The following SMYD3 variants were observed in gnomAD, a reference collection of about 807,000 sequenced individuals.
SMYD3 encodes SET and MYND domain containing 3, also known as histone-lysine N-methyltransferase SMYD3.
In SMYD3, 36 loss-of-function variants were observed where a neutral mutation model predicts 57.7. The ratio of observed to expected loss-of-function variants is 0.62; its 90% CI spans 0.48 to 0.82. The LOEUF (loss-of-function observed/expected upper bound fraction) is 0.82. Among genes scored for constraint, SMYD3 ranks in the 40% least tolerant of loss-of-function variants. The pLI, the probability that SMYD3 is intolerant of heterozygous loss-of-function variation, is 0.00. For synonymous variants in SMYD3, 211 were observed against 195.0 expected (o/e 1.08, Z -0.68); for missense variants, 515 against 538.8 (o/e 0.96, Z 0.44).
At chr1:245,819,281 C>T (rs1309500486) in intron 10 of SMYD3, among the ~76,000 whole-genome samples, 1 of 138,874 alleles carries the variant, frequency 7.2e-6, no homozygotes, top group Non-Finnish European at 1.6e-5. Context: ...GAACAACCTG[C>T]TCCTGAATGA....
intron 5 of SMYD3, among the ~76,000 whole-genome samples, chr1:246,154,992 A>C (rs1352546359): frequency 6.6e-6 from 1 of 152,070 alleles, no homozygotes; most frequent in Admixed American, 6.6e-5. Context: ...CGTGTTAGCC[A>C]GGATGGTCTC....
intron 8 of SMYD3, among the ~76,000 whole-genome samples, chr1:245,864,472 T>C (rs1482781083): frequency 2.0e-5 from 3 of 152,172 alleles, no homozygotes; most frequent in Non-Finnish European, 2.9e-5. Context: ...TGCTACAACA[T>C]GGATGAGGCT....
intron 2 of SMYD3, among the ~76,000 whole-genome samples, chr1:246,342,912 A>C (rs2065654692): frequency 6.6e-6 from 1 of 151,164 alleles, no homozygotes; most frequent in Admixed American, 6.6e-5. Context: ...GGTTCCAAAA[A>C]TATATGGCTC....
chr1:246,115,419 A>C (rs778140026), intron 5 of SMYD3, among the ~76,000 whole-genome samples: 15 of 152,160 alleles, frequency 9.9e-5, no homozygotes, highest in Non-Finnish European at 1.9e-4. Flanking sequence ...AGAAAGATTA[A>C]AAGCAAGACC....
rs766930944 is a variant in SMYD3 at position 246,300,121 on chromosome 1, T to C, written c.531+27080A>G. Among the ~76,000 whole-genome samples the C allele has an allele frequency of 1.2e-4, 18 of 152,116 alleles. 1 individual carries two copies. The highest frequency in any genetic ancestry group is 2.6e-4 in the Non-Finnish European group (18 of 68,012). Reference sequence around the variant, plus strand: ...GGTATGCATGTAGCTGTGTATATACTAAATAAAGATATAAATGTGGACCCA... The same window carrying C: ...GGTATGCATGTAGCTGTGTATATACCAAATAAAGATATAAATGTGGACCCA... On this transcript the variant is annotated intron_variant, in intron 5 of 11. Coordinates refer to ENST00000490107, the MANE Select transcript of SMYD3 (RefSeq NM_001167740.2).
chr1:246,296,123 C>T (rs1298274219), intron 5 of SMYD3, among the ~76,000 whole-genome samples: 1 of 152,172 alleles, frequency 6.6e-6, no homozygotes, highest in African/African-American at 2.4e-5. Context: ...AAGTGACTGT[C>T]AGGAATTAGG....
At chr1:245,887,127 T>C (rs553497858) in intron 8 of SMYD3, among the ~76,000 whole-genome samples, 13 of 152,152 alleles carry the variant, frequency 8.5e-5, no homozygotes, top group African/African-American at 2.2e-4. Flanking sequence ...CAGGATGAGA[T>C]AGGAAGTTAC....
At chr1:246,460,532 T>C (rs1216016295) in intron 1 of SMYD3, among the ~76,000 whole-genome samples, 2 of 152,232 alleles carry the variant, frequency 1.3e-5, no homozygotes, top group Non-Finnish European at 2.9e-5. Flanking sequence ...TTTTACTGAA[T>C]AGCAATATAG....
At chr1:246,066,751 A>G (rs998996324) in intron 5 of SMYD3, among the ~76,000 whole-genome samples, 1 of 152,194 alleles carries the variant, frequency 6.6e-6, no homozygotes, top group African/African-American at 2.4e-5. Context: ...ATGTTAATTC[A>G]TTAGATCCCT....
At chr1:245,951,146 T>C (rs2057623089) in intron 5 of SMYD3, among the ~76,000 whole-genome samples, 1 of 152,100 alleles carries the variant, frequency 6.6e-6, no homozygotes, top group African/African-American at 2.4e-5. Context: ...TGCATCACTC[T>C]TATTACCTGC....
intron 1 of SMYD3, among the ~76,000 whole-genome samples, chr1:246,411,954 A>G (rs1393391496): frequency 6.9e-6 from 1 of 144,518 alleles, no homozygotes; most frequent in Non-Finnish European, 1.5e-5. Flanking sequence ...GTGCACACGT[A>G]CCCTAAAACT....
chr1:246,147,336 G>A (rs1413670986), intron 5 of SMYD3, among the ~76,000 whole-genome samples: 2 of 152,188 alleles, frequency 1.3e-5, no homozygotes, highest in African/African-American at 2.4e-5. Context: ...GGTCCAGCCA[G>A]GGGAGCAGCC....
intron 7 of SMYD3, among the ~76,000 whole-genome samples, chr1:245,917,794 G>C (rs565046345): frequency 1.3e-5 from 2 of 152,276 alleles, no homozygotes; most frequent in South Asian, 4.1e-4. Context: ...TATGTGTGGT[G>C]GGGGGAGAAG....
At chr1:246,257,817 G>T (rs1486221186) in intron 5 of SMYD3, among the ~76,000 whole-genome samples, 1 of 152,044 alleles carries the variant, frequency 6.6e-6, no homozygotes, top group Non-Finnish European at 1.5e-5. Flanking sequence ...ATGTTAAATT[G>T]TAATCTCCAG....
At position 245,816,780 on chromosome 1, in the gene SMYD3, G is replaced by GAAAGA. The variant is rs563610461; in HGVS notation, c.1076+41715_1076+41716insTCTTT. ...AGTTCCCTTTCCTAGTCAAAGAAAG[G>GAAAGA]GGTGACGGACGCACCTGGAAAATCG... On this transcript the variant is annotated intron_variant, in intron 10 of 11. Transcript: ENST00000490107. 8.5e-4 allele frequency among the ~76,000 whole-genome samples: 130 copies of GAAAGA among 152,274 alleles called. 2 individuals are homozygous for GAAAGA. In the East Asian group the frequency reaches 0.022, roughly 26 times the overall value.
chr1:245,749,391 C>A lies in SMYD3; in HGVS notation c.*172G>T. 1.9e-6 allele frequency: 1 copy of A among 534,620 alleles called. No individual in the cohort carries two copies. Among genetic ancestry groups the A allele is most frequent in the Non-Finnish European group, 3.3e-6 (1 of 303,786 alleles). 33.1% of individuals were successfully genotyped at this position (534,620 alleles called of 1,614,324 possible). On this transcript the variant is annotated 3_prime_UTR_variant, in exon 12 of 12. Transcript: ENST00000490107. ...AATTTATTATAATCGTGCTTCTCTA[C>A]AACTAATGATTCTTGTGGTTTGCAA...
chr1:246,423,317 A>T (rs1468430664), intron 1 of SMYD3, among the ~76,000 whole-genome samples: 2 of 151,670 alleles, frequency 1.3e-5, no homozygotes, highest in Admixed American at 1.3e-4. Context: ...AAAGAAAAAG[A>T]AAAGAAAAAT....
At chr1:245,835,987 C>G (rs1461262004) in intron 10 of SMYD3, among the ~76,000 whole-genome samples, 1 of 152,098 alleles carries the variant, frequency 6.6e-6, no homozygotes, top group Non-Finnish European at 1.5e-5. Flanking sequence ...CAGAGAGGGT[C>G]GAGAGACAAC....
chr1:245,966,865 T>A (rs2148010713), intron 5 of SMYD3, among the ~76,000 whole-genome samples: 1 of 152,178 alleles, frequency 6.6e-6, no homozygotes, highest in African/African-American at 2.4e-5. Flanking sequence ...TCTTTTAAGG[T>A]CCCCATATGA....
Sources: gnomAD v4.1 joint callset for allele counts (sites outside exome capture counted in the v4.1 genomes callset) on GRCh38, gnomAD v4.1.1 for gene constraint, MANE v1.5 for transcripts, NCBI Gene and HGNC (gene_info 2026-07-23, HGNC 2026-07-21) for gene names.